Variants in MRPS28 observed in about 807,000 individuals in gnomAD.
MRPS28 encodes the protein small ribosomal subunit protein bS1m.
A neutral mutation model predicts 10.8 loss-of-function variants in MRPS28; 7 were observed. The ratio of observed to expected loss-of-function variants is 0.65; its 90% CI spans 0.37 to 1.22. MRPS28 has a LOEUF of 1.22. Among genes scored for constraint, MRPS28 ranks in the 50% most tolerant of loss-of-function variants. MRPS28 has a pLI of 0.02. For missense variants in MRPS28, 265 were observed against 232.9 expected, an observed-to-expected ratio of 1.14 and a Z score of -0.90; for synonymous variants, 121 against 93.3, an observed-to-expected ratio of 1.30 and a Z score of -1.71.
At chr8:79,986,435 CAGG>C (rs1285136904) in intron 2 of MRPS28, among the ~76,000 whole-genome samples, 2 of 152,102 alleles carry the variant, frequency 1.3e-5, no homozygotes, top group African/African-American at 4.8e-5. Flanking sequence ...GGCAATTAGG[CAGG>C]AGAAGGAAAT....
At chr8:79,977,469 G>A (rs1231021318) in intron 2 of MRPS28, among the ~76,000 whole-genome samples, 2 of 152,050 alleles carry the variant, frequency 1.3e-5, no homozygotes, top group African/African-American at 2.4e-5. Context: ...AAAATGAAGA[G>A]ACCAACAGAA....
chr8:80,014,813 C>A (rs1239130757), intron 1 of MRPS28, among the ~76,000 whole-genome samples: 1 of 152,088 alleles, frequency 6.6e-6, no homozygotes, highest in South Asian at 2.1e-4. Flanking sequence ...ATGATTTCCC[C>A]CCTGCCACCC....
chr8:79,977,161 T>C (rs1807824619), intron 2 of MRPS28, among the ~76,000 whole-genome samples: 1 of 152,190 alleles, frequency 6.6e-6, no homozygotes, highest in South Asian at 2.1e-4. Context: ...CCATATTATG[T>C]ACAAACAAAA....
intron 1 of MRPS28, among the ~76,000 whole-genome samples, chr8:80,004,434 TAGAA>T (rs1322951299): frequency 4.6e-5 from 7 of 152,114 alleles, no homozygotes; most frequent in African/African-American, 9.7e-5. Context: ...TCCTGACTGT[TAGAA>T]AGAAAACTAA....
chr8:79,982,596 C>A (rs554433770), intron 2 of MRPS28, among the ~76,000 whole-genome samples: 4 of 152,150 alleles, frequency 2.6e-5, no homozygotes, highest in African/African-American at 4.8e-5. Context: ...TAAAAAACGG[C>A]GCACCAGGAG....
chr8:80,009,566 A>C (rs749308536), intron 1 of MRPS28, among the ~76,000 whole-genome samples: 1 of 152,110 alleles, frequency 6.6e-6, no homozygotes, highest in Non-Finnish European at 1.5e-5. Flanking sequence ...CGGTGAGCCG[A>C]GATCACGCCA....
chr8:80,006,486 GT>G (rs1172364637), intron 1 of MRPS28, among the ~76,000 whole-genome samples: 1 of 152,104 alleles, frequency 6.6e-6, no homozygotes, highest in Admixed American at 6.6e-5. Context: ...CCAGGAGCTG[GT>G]TTTTTGAAAG....
At chr8:79,946,248 A>G (rs189973211) in intron 2 of MRPS28, among the ~76,000 whole-genome samples, 1 of 152,128 alleles carries the variant, frequency 6.6e-6, no homozygotes, top group Non-Finnish European at 1.5e-5. Context: ...ATAATCTGTT[A>G]TCTCTCTTCT....
intron 1 of MRPS28, among the ~76,000 whole-genome samples, chr8:80,010,314 G>GT (rs1234783566): frequency 6.6e-6 from 1 of 152,214 alleles, no homozygotes; most frequent in African/African-American, 2.4e-5. Context: ...CCTAAATGCT[G>GT]TATTTGGAAT....
At chr8:79,928,511 C>T (rs1043775964) in intron 2 of MRPS28, among the ~76,000 whole-genome samples, 1 of 151,944 alleles carries the variant, frequency 6.6e-6, no homozygotes. Flanking sequence ...ACAATCTCAG[C>T]TCACTGCAAC....
chr8:79,947,737 C>A (rs1806961060), intron 2 of MRPS28, among the ~76,000 whole-genome samples: 2 of 148,374 alleles, frequency 1.3e-5, no homozygotes, highest in South Asian at 4.2e-4. Context: ...TGGGTTCACA[C>A]CATTCTCCTG....
intron 2 of MRPS28, among the ~76,000 whole-genome samples, chr8:79,923,198 T>C (rs777690919): frequency 6.6e-6 from 1 of 152,184 alleles, no homozygotes; most frequent in Non-Finnish European, 1.5e-5. Flanking sequence ...AAACTAGAGA[T>C]ATCCTCCATG....
intron 1 of MRPS28, among the ~76,000 whole-genome samples, chr8:80,019,154 G>A (rs1418018833): frequency 1.3e-5 from 2 of 151,740 alleles, no homozygotes; most frequent in Non-Finnish European, 2.9e-5. Context: ...AGGGTGATAA[G>A]CAATAATTAT....
intron 1 of MRPS28, among the ~76,000 whole-genome samples, chr8:80,006,405 A>T (rs1808847266): frequency 1.3e-5 from 2 of 152,250 alleles, no homozygotes. Flanking sequence ...AAATGAACGC[A>T]GAAATAACTA....
chr8:80,013,118 A>T (rs1045289007), intron 1 of MRPS28, among the ~76,000 whole-genome samples: 1 of 152,062 alleles, frequency 6.6e-6, no homozygotes, highest in Non-Finnish European at 1.5e-5. Flanking sequence ...TCTATGACCA[A>T]CTCAGCCAAT....
intron 2 of MRPS28, among the ~76,000 whole-genome samples, chr8:79,974,465 C>G (rs531218958): frequency 6.6e-6 from 1 of 151,398 alleles, no homozygotes; most frequent in African/African-American, 2.4e-5. Flanking sequence ...GGCGTGAACC[C>G]GAGAGGCAGA....
At chr8:79,959,704 T>C (rs1441775676) in intron 2 of MRPS28, among the ~76,000 whole-genome samples, 2 of 152,188 alleles carry the variant, frequency 1.3e-5, no homozygotes, top group African/African-American at 4.8e-5. Context: ...TTATCAACCA[T>C]CCAAATAGCA....
chr8:80,030,006 G>A (rs1394685923), intron 1 of MRPS28, 30 bp downstream of exon 1: 4 of 1,599,440 alleles, frequency 2.5e-6, no homozygotes, highest in African/African-American at 2.8e-5. Context: ...CGTAATTCCC[G>A]CGACTCCCTC....
At chr8:79,992,167 C>T (rs1808384831) in intron 2 of MRPS28, among the ~76,000 whole-genome samples, 1 of 152,218 alleles carries the variant, frequency 6.6e-6, no homozygotes, top group Non-Finnish European at 1.5e-5. Context: ...CTTGACTGAA[C>T]TTCATGTGAG....
Sources: gnomAD v4.1 joint callset for allele counts (sites outside exome capture counted in the v4.1 genomes callset) on GRCh38, gnomAD v4.1.1 for gene constraint, MANE v1.5 for transcripts, NCBI Gene and HGNC (gene_info 2026-07-23, HGNC 2026-07-21) for gene names.